MMP21: variants seen among roughly 807,000 people sequenced by gnomAD.
MMP21 encodes matrix metallopeptidase 21, also known as matrix metalloproteinase-21.
A neutral mutation model predicts 47.8 loss-of-function variants in MMP21; 40 were observed. The ratio of observed to expected loss-of-function variants is 0.84; its 90% CI spans 0.65 to 1.09. The LOEUF is 1.09. MMP21 is among the 50% of genes least tolerant of loss of function. The probability of loss-of-function intolerance (pLI) is 0.00; values close to 1 mark genes in which losing one functional copy is unlikely to be tolerated. For synonymous variants in MMP21, 341 were observed against 318.0 expected (o/e 1.07, Z -0.77); for missense variants, 747 against 775.3 (o/e 0.96, Z 0.43).
In MMP21 at chr10:125,767,513, TG is replaced by T. The variant is rs747819250; in HGVS notation, c.1410+18del. ...AGGGATGACAGAAGCATTGCTAGGC[TG>T]AAGAGCCTTCTACTTACAAGGGACT... On this transcript the variant is annotated intron_variant, in intron 6 of 6. Coordinates refer to ENST00000368808, the MANE Select transcript of MMP21 (RefSeq NM_147191.1). 48 of 1,610,244 alleles carry T rather than the reference TG, an allele frequency of 3.0e-5. No individual in the cohort carries two copies. In the African/African-American group the frequency reaches 5.1e-4, roughly 17 times the overall value.
At chr10:125,769,708 T>G (rs924256707) in intron 5 of MMP21, among the ~76,000 whole-genome samples, 2 of 152,234 alleles carry the variant, frequency 1.3e-5, no homozygotes, top group Admixed American at 6.5e-5. Flanking sequence ...AAAACACTTC[T>G]GTTGCTAGAT....
chr10:125,771,043 AAC>A (rs1850440841), intron 4 of MMP21, among the ~76,000 whole-genome samples: 2 of 151,926 alleles, frequency 1.3e-5, no homozygotes, highest in African/African-American at 4.8e-5. Flanking sequence ...AAGAAAAAAA[AAC>A]AGATTGAGGT....
chr10:125,774,087 C>A lies in MMP21; in HGVS notation c.441G>T (p.Arg147=). The A allele has an allele frequency of 7.3e-7, 1 of 1,370,274 alleles. No homozygotes were observed. Among genetic ancestry groups the A allele is most frequent in the Non-Finnish European group, 9.4e-7 (1 of 1,067,574 alleles). The allele number at this position is 1,370,274 out of a possible 1,614,324, so 84.9% of individuals were successfully genotyped here. ...CCCGCCGGGACAAGGACAGCGGCGC[C>A]CGCGGGGAGCGCCTGGAGCGGGCTC... The part of the protein sequence containing the change: ...PPRARSRRSP[R]APLSLSRRGW... The change falls in exon 2 of 7, where the codon CGG becomes CGT. Residue 147 remains arginine (R), a synonymous_variant. Transcript: ENST00000368808.
At chr10:125,769,133 G>A (rs769296854) in intron 5 of MMP21, among the ~76,000 whole-genome samples, 7 of 152,130 alleles carry the variant, frequency 4.6e-5, no homozygotes, top group African/African-American at 9.7e-5. Context: ...GTTTATGATC[G>A]GACTCTGTGC....
rs1850387698 is a variant in MMP21, at chr10:125,766,540, T to A, written c.*122A>T. ...ATTTTAAAAGTTCAACTAAGGCTTT[T>A]CCCATTGGGTTTTAACTTACAGTGC... is the stretch of plus-strand genomic sequence containing the variant. On this transcript the variant is annotated 3_prime_UTR_variant, in exon 7 of 7. Transcript: ENST00000368808. The A allele has an allele frequency of 2.8e-6, 2 of 709,160 alleles. No individual in the cohort carries two copies. The highest frequency in any genetic ancestry group is 4.5e-6 in the Non-Finnish European group (2 of 449,234). The allele number at this position is 709,160 out of a possible 1,614,324, so 43.9% of individuals were successfully genotyped here.
chr10:125,767,325 G>A (rs532329018), intron 6 of MMP21, among the ~76,000 whole-genome samples: 5 of 152,246 alleles, frequency 3.3e-5, no homozygotes, highest in South Asian at 2.1e-4. Context: ...TGTTGAGACC[G>A]AAACATGGGT....
chr10:125,772,755 C>T lies in MMP21; in HGVS notation c.698-5G>A, dbSNP rs751084810. The T allele has an allele frequency of 6.8e-6, 11 of 1,611,534 alleles. No homozygotes were observed. In the East Asian group the frequency reaches 1.6e-4, roughly 23 times the overall value. The stretch of plus-strand genomic sequence containing the variant: ...GCGGACAGCCCAGGTGCCGGCCTGG[C>T]GAGGGGGAGGAGGAGTTGGTCCCGG... On this transcript the variant is annotated splice_region_variant and splice_polypyrimidine_tract_variant and intron_variant, in intron 2 of 6. Coordinates refer to ENST00000368808, the MANE Select transcript of MMP21 (RefSeq NM_147191.1). This position sits in a 1 kb window ranked among gnomAD's most constrained non-coding sequence, Gnocchi z 5.6.
Position 125,773,763 on chromosome 10 carries a change from TGG to T in MMP21, c.697+66_697+67del. 7.0e-7 allele frequency: 1 copy of T among 1,428,398 alleles called. No homozygotes were observed. The highest frequency in any genetic ancestry group is 9.1e-7 in the Non-Finnish European group (1 of 1,095,750). 88.5% of individuals were successfully genotyped at this position (1,428,398 alleles called of 1,614,324 possible). A position where few individuals can be genotyped will look rare whatever the true frequency, so the allele number is the denominator to read the frequency against. ...CCCCCCATTCTGCAGGTGGCCGAGG[TGG>T]GGGTAGGTGCGCCGGGGTCCCCGAG... On this transcript the variant is annotated intron_variant, in intron 2 of 6. Transcript: ENST00000368808. This position sits in a 1 kb window ranked among gnomAD's most constrained non-coding sequence, Gnocchi z 4.8.
In MMP21 at chr10:125,773,469, G is replaced by A. The variant is rs577049542; in HGVS notation, c.697+362C>T. ...TCCCGCATTTGTCCAATTGTAAGACGGAGGTGGTGGCAACTTGTGCCTGAC... is the reference window on the plus strand; with the variant it reads ...TCCCGCATTTGTCCAATTGTAAGACAGAGGTGGTGGCAACTTGTGCCTGAC... On this transcript the variant is annotated intron_variant, in intron 2 of 6. Transcript: ENST00000368808. This position sits in a 1 kb window ranked among gnomAD's most constrained non-coding sequence, Gnocchi z 4.8. Among the ~76,000 whole-genome samples the A allele has an allele frequency of 1.3e-5, 2 of 152,190 alleles. No individual in the cohort carries two copies. Among genetic ancestry groups the A allele is most frequent in the South Asian group, 4.2e-4 (2 of 4,818 alleles).
chr10:125,771,406 ATT>A (rs11432830), intron 4 of MMP21, among the ~76,000 whole-genome samples: 12 of 140,324 alleles, frequency 8.6e-5, no homozygotes, highest in Admixed American at 2.1e-4. Flanking sequence ...GTTAGGGACT[ATT>A]TTTTTTTTTT....
intron 5 of MMP21, 26 bp from the exon 6 acceptor site, chr10:125,767,730 T>C: frequency 6.2e-7 from 1 of 1,611,398 alleles, no homozygotes; most frequent in African/African-American, 1.3e-5. Flanking sequence ...AATACGTTCA[T>C]GTGGTTTATT....
chr10:125,773,005 G>A lies in MMP21; in HGVS notation c.698-255C>T, dbSNP rs1352861604. On this transcript the variant is annotated intron_variant, in intron 2 of 6. Coordinates refer to ENST00000368808, the MANE Select transcript of MMP21 (RefSeq NM_147191.1). The surrounding 1 kb of genome is among the most constrained non-coding windows in gnomAD (Gnocchi z 4.8). ...GGGGAGCGGGGCTGGGTGAGAGCCC[G>A]GCTGGGGGCCTGGGAAGATGGCAAA... Among the ~76,000 whole-genome samples, 8 of 152,242 alleles carry A rather than the reference G, an allele frequency of 5.3e-5. No homozygotes were observed. The highest frequency in any genetic ancestry group is 2.9e-5 in the Non-Finnish European group (2 of 68,044).
In MMP21 at chr10:125,768,237, C is replaced by T. The variant is rs28381316; in HGVS notation, c.1238-533G>A. 0.013 allele frequency among the ~76,000 whole-genome samples: 1,978 copies of T among 152,250 alleles called. 117 individuals are homozygous for T. The East Asian group carries it at 0.17, about 13-fold the overall frequency. ...TTAGAGTCCCCTAGTCCCACCACCA[C>T]GCCCATCTTACAAATAAGGACACTG... On this transcript the variant is annotated intron_variant, in intron 5 of 6. Coordinates refer to ENST00000368808, the MANE Select transcript of MMP21 (RefSeq NM_147191.1).
In MMP21 at chr10:125,770,549, C is replaced by T. The variant is rs139649048; in HGVS notation, c.1022G>A (p.Arg341His). 9 of 1,613,934 alleles carry T rather than the reference C, an allele frequency of 5.6e-6. No homozygotes were observed. The highest frequency in any genetic ancestry group is 1.7e-5 in the Admixed American group (1 of 59,998). Residue 341 changes from arginine (R) to histidine (H), a missense_variant, in exon 5 of 7, where the codon CGC (arginine) becomes CAC (histidine). By Grantham distance (29) the Arg-to-His change is conservative (BLOSUM62 0). Transcript: ENST00000368808. ...CTCTCCATATTGGTTTCTCTCTTTG[C>T]GAATCCAGTCAAACGCAGTATCAAA... ...GSFDTAFDWI[R>H]KERNQYGEVM...
In MMP21 at chr10:125,773,398, C is replaced by T. The variant is rs1850475717; in HGVS notation, c.697+433G>A. On this transcript the variant is annotated intron_variant, in intron 2 of 6. Transcript: ENST00000368808. This position sits in a 1 kb window ranked among gnomAD's most constrained non-coding sequence, Gnocchi z 4.8. Reference sequence around the variant, plus strand: ...TGGCAGTGATCCTCTTCTGCTTGGTCTGCCCCTTAAAAACACTTCTGTTGC... The same window carrying T: ...TGGCAGTGATCCTCTTCTGCTTGGTTTGCCCCTTAAAAACACTTCTGTTGC... 6.6e-6 allele frequency among the ~76,000 whole-genome samples: 1 copy of T among 152,044 alleles called. No individual in the cohort carries two copies. The highest frequency in any genetic ancestry group is 6.5e-5 in the Admixed American group (1 of 15,284).
At chr10:125,768,579 T>C (rs1328166032) in intron 5 of MMP21, among the ~76,000 whole-genome samples, 1 of 152,230 alleles carries the variant, frequency 6.6e-6, no homozygotes, top group Non-Finnish European at 1.5e-5. Flanking sequence ...CAACCAAATA[T>C]TTAATATACT....
chr10:125,773,855 C>T lies in MMP21; in HGVS notation c.673G>A (p.Asp225Asn), dbSNP rs1850480485. 4 of 1,563,502 alleles carry T rather than the reference C, an allele frequency of 2.6e-6. No individual in the cohort carries two copies. Among genetic ancestry groups the T allele is most frequent in the Non-Finnish European group, 3.4e-6 (4 of 1,162,066 alleles). ...CCTCTCCCAAAGCCCAGCTTGATGT[C>T]GACCGCGGCCCCGGGGGCGGCCAGG... ...EDLAAPGAAVDIKLGFGRGRH... is the reference protein window; with the variant it reads ...EDLAAPGAAVNIKLGFGRGRH... Residue 225 changes from aspartate to asparagine, a missense_variant, in exon 2 of 7, where the codon GAC becomes AAC. Asp to Asn is a conservative substitution (Grantham distance 23). Coordinates refer to ENST00000368808, the MANE Select transcript of MMP21 (RefSeq NM_147191.1). This position sits in a 1 kb window ranked among gnomAD's most constrained non-coding sequence, Gnocchi z 4.8.
intron 6 of MMP21, among the ~76,000 whole-genome samples, 190 bp downstream of exon 6, chr10:125,767,342 A>G (rs766533203): frequency 6.6e-6 from 1 of 152,190 alleles, no homozygotes; most frequent in Non-Finnish European, 1.5e-5. Flanking sequence ...GGGTTTCACC[A>G]TGTTGCCCAG....
chr10:125,774,318 C>G lies in MMP21; in HGVS notation c.210G>C (p.Gly70=). 1 of 1,411,640 alleles carries G rather than the reference C, an allele frequency of 7.1e-7. No homozygotes were observed. The highest frequency in any genetic ancestry group is 9.2e-7 in the Non-Finnish European group (1 of 1,090,838). 87.4% of individuals were successfully genotyped at this position (1,411,640 alleles called of 1,614,324 possible). A position where few individuals can be genotyped will look rare whatever the true frequency, so the allele number is the denominator to read the frequency against. The change falls in exon 2 of 7, where the codon GGG becomes GGC. Residue 70 remains glycine (G), a synonymous_variant. Coordinates refer to ENST00000368808, the MANE Select transcript of MMP21 (RefSeq NM_147191.1). The stretch of plus-strand genomic sequence containing the variant: ...TCTCCGGCGGCCCCTCGGGACTGGG[C>G]CCCCAGGCCGCCCACACCCCTGACC... ...YGWSGVWAAW[G]PSPEGPPETP...
Sources: allele counts gnomAD v4.1 joint callset (sites outside exome capture counted in the v4.1 genomes callset), GRCh38; gene constraint gnomAD v4.1.1; non-coding constraint Gnocchi (gnomAD v3.1); transcripts MANE v1.5; gene names NCBI Gene and HGNC (gene_info 2026-07-23, HGNC 2026-07-21).